The following OSBPL3 variants were observed in gnomAD, a reference collection of about 807,000 sequenced individuals.
The protein encoded by OSBPL3 is oxysterol-binding protein-related protein 3.
A neutral mutation model predicts 120.1 loss-of-function variants in OSBPL3; 65 were observed. The observed-to-expected ratio is 0.54, with a 90% CI of 0.44 to 0.67. The LOEUF (loss-of-function observed/expected upper bound fraction) is 0.67. Ranked by LOEUF, OSBPL3 falls within the 30% of genes least tolerant of loss-of-function variation. The probability of loss-of-function intolerance (pLI) is 0.00; values close to 1 mark genes in which losing one functional copy is unlikely to be tolerated. For synonymous variants in OSBPL3, 416 were observed against 402.6 expected (o/e 1.03, Z -0.40); for missense variants, 1,004 against 1,082.1 (o/e 0.93, Z 1.01).
chr7:24,909,491 G>A (rs113282077), intron 1 of OSBPL3, among the ~76,000 whole-genome samples: 3,045 of 152,250 alleles, frequency 0.02, 117 homozygotes, highest in African/African-American at 0.07. Context: ...TGCCAGCCAA[G>A]GAATAACAAT....
intron 1 of OSBPL3, among the ~76,000 whole-genome samples, chr7:24,961,843 T>C (rs968101544): frequency 1.3e-5 from 2 of 152,182 alleles, no homozygotes; most frequent in African/African-American, 4.8e-5. Context: ...TGAGTATAAC[T>C]TGGTAAAGGA....
intron 19 of OSBPL3, among the ~76,000 whole-genome samples, chr7:24,811,549 T>C (rs988947524): frequency 1.3e-5 from 2 of 152,254 alleles, no homozygotes; most frequent in African/African-American, 4.8e-5. Flanking sequence ...TCTGTGCTTT[T>C]GGGGTCATAT....
rs143300759 is a variant in OSBPL3 at position 24,834,679 on chromosome 7, G to A, written c.1553C>T (p.Ala518Val). The change falls in exon 15 of 23, where the codon GCG (alanine) becomes GTG (valine). Residue 518 changes from alanine to valine, a missense_variant. Ala to Val is a moderately conservative substitution (Grantham distance 64). Transcript: ENST00000313367. This position sits in a 1 kb window ranked among gnomAD's most constrained non-coding sequence, Gnocchi z 5.2. The part of the protein sequence containing the change: ...AKSRRRTCLP[A>V]PCPSSSNISL... ...GATGTTACTGCTGCTCGGGCAGGGC[G>A]CCGGCAGGCACGTTCTTCTCCGGGA... 417 of 1,613,998 alleles carry A rather than the reference G, an allele frequency of 2.6e-4. No homozygotes were observed. In the African/African-American group the frequency reaches 4.7e-3, roughly 18 times the overall value.
chr7:24,869,407 C>T (rs562993720), intron 5 of OSBPL3, among the ~76,000 whole-genome samples: 2 of 152,178 alleles, frequency 1.3e-5, no homozygotes, highest in Admixed American at 1.3e-4. Context: ...ACAGAAAAAA[C>T]GATAGTATTC....
At chr7:24,957,412 A>G (rs1022716322) in intron 1 of OSBPL3, among the ~76,000 whole-genome samples, 1 of 152,188 alleles carries the variant, frequency 6.6e-6, no homozygotes, top group African/African-American at 2.4e-5. Flanking sequence ...ACCTAGGGAT[A>G]GAGAGTATGA....
rs76183699 is a variant in OSBPL3, at chr7:24,891,533, A to C, written c.96+844T>G. On this transcript the variant is annotated intron_variant, in intron 2 of 22. Coordinates refer to ENST00000313367, the MANE Select transcript of OSBPL3 (RefSeq NM_015550.4). This position sits in a 1 kb window ranked among gnomAD's most constrained non-coding sequence, Gnocchi z 4.1. ...ATGAGGAAAAGGAAATGCCAACAGA[A>C]GCAGCAGGTGCTGAAAAGGCTCAGA... is the stretch of plus-strand genomic sequence containing the variant. 0.035 allele frequency among the ~76,000 whole-genome samples: 5,316 copies of C among 152,340 alleles called. 118 individuals are homozygous for C. The highest frequency in any genetic ancestry group is 0.054 in the Non-Finnish European group (3,698 of 68,024).
rs1379744744 is a variant in OSBPL3 at position 24,947,639 on chromosome 7, C to A, written c.-150+32247G>T. 6.6e-6 allele frequency among the ~76,000 whole-genome samples: 1 copy of A among 152,124 alleles called. No homozygotes were observed. Among genetic ancestry groups the A allele is most frequent in the African/African-American group, 2.4e-5 (1 of 41,410 alleles). On this transcript the variant is annotated intron_variant, in intron 1 of 22. Transcript: ENST00000313367. The surrounding 1 kb of genome is among the most constrained non-coding windows in gnomAD (Gnocchi z 4.4). ...GGAAGCCAAATATTGCCAAAAATAT[C>A]TAGGAATCACTATTTCTGAGTAGAT... is the stretch of plus-strand genomic sequence containing the variant.
intron 1 of OSBPL3, among the ~76,000 whole-genome samples, chr7:24,962,354 G>GAAAGAA (rs1384705150): frequency 5.7e-4 from 79 of 138,816 alleles, no homozygotes; most frequent in African/African-American, 2.0e-3. Context: ...AGACAGCAAA[G>GAAAGAA]AAAGAAAAAG....
intron 1 of OSBPL3, among the ~76,000 whole-genome samples, chr7:24,925,526 A>C (rs1023179635): frequency 2.6e-5 from 4 of 152,230 alleles, no homozygotes; most frequent in African/African-American, 4.8e-5. Flanking sequence ...GTTTGAGGCA[A>C]GACGCACTAA....
intron 10 of OSBPL3, among the ~76,000 whole-genome samples, chr7:24,857,139 A>T (rs1400233536): frequency 2.0e-5 from 3 of 152,212 alleles, no homozygotes; most frequent in Non-Finnish European, 4.4e-5. Context: ...TCAGAAAATG[A>T]CCACTCAATA....
intron 1 of OSBPL3, among the ~76,000 whole-genome samples, chr7:24,950,116 C>T (rs1211581634): frequency 6.6e-6 from 1 of 152,166 alleles, no homozygotes; most frequent in Admixed American, 6.5e-5. Flanking sequence ...GCATGGAGTG[C>T]CAGCACAAAA....
rs937799893 is a variant in OSBPL3, at chr7:24,881,405, A to AG, written c.97-9337dup. 9.8e-5 allele frequency among the ~76,000 whole-genome samples: 15 copies of AG among 152,324 alleles called. No individual in the cohort carries two copies. Among genetic ancestry groups the AG allele is most frequent in the South Asian group, 6.2e-4 (3 of 4,830 alleles). ...GTTTGTAACGGAGCTTCTTTTTAAT[A>AG]GGGGGGTCCCTGCTTAAAGGTCCAA... On this transcript the variant is annotated intron_variant, in intron 2 of 22. Coordinates refer to ENST00000313367, the MANE Select transcript of OSBPL3 (RefSeq NM_015550.4). This position sits in a 1 kb window ranked among gnomAD's most constrained non-coding sequence, Gnocchi z 4.3.
At chr7:24,874,791 C>T (rs150619436) in intron 2 of OSBPL3, among the ~76,000 whole-genome samples, 43 of 152,294 alleles carry the variant, frequency 2.8e-4, no homozygotes, top group Admixed American at 5.9e-4. Flanking sequence ...AGTGAAGACT[C>T]TCCTTGACTA....
rs1036273891 is a variant in OSBPL3 at position 24,952,927 on chromosome 7, G to C, written c.-150+26959C>G. On this transcript the variant is annotated intron_variant, in intron 1 of 22. Transcript: ENST00000313367. The surrounding 1 kb of genome is among the most constrained non-coding windows in gnomAD (Gnocchi z 4.4). Reference sequence around the variant, plus strand: ...GAGGTGGTAGGATCCCTGGAGCCCAGGAGTTCAAGACCAGCCTGGGCAACA... The same window carrying C: ...GAGGTGGTAGGATCCCTGGAGCCCACGAGTTCAAGACCAGCCTGGGCAACA... Among the ~76,000 whole-genome samples the C allele has an allele frequency of 5.3e-5, 8 of 152,128 alleles. No individual in the cohort carries two copies. Among genetic ancestry groups the C allele is most frequent in the Non-Finnish European group, 1.2e-4 (8 of 68,032 alleles).
chr7:24,889,656 C>T (rs1244247578), intron 2 of OSBPL3, among the ~76,000 whole-genome samples: 1 of 151,922 alleles, frequency 6.6e-6, no homozygotes, highest in Non-Finnish European at 1.5e-5. Flanking sequence ...TGGATCAGAA[C>T]CAAATAGAAA....
chr7:24,821,507 T>C lies in OSBPL3; in HGVS notation c.1885-1269A>G, dbSNP rs976137489. Among the ~76,000 whole-genome samples the C allele has an allele frequency of 2.0e-5, 3 of 152,040 alleles. No homozygotes were observed. The highest frequency in any genetic ancestry group is 2.9e-5 in the Non-Finnish European group (2 of 68,012). On this transcript the variant is annotated intron_variant, in intron 16 of 22. Transcript: ENST00000313367. This position sits in a 1 kb window ranked among gnomAD's most constrained non-coding sequence, Gnocchi z 5.5. ...TGGGACCCTCAGCTGAGGAACATGG[T>C]TTGAAAACTACTTCTGTATGCCAGG...
chr7:24,804,494 C>T lies in OSBPL3; in HGVS notation c.2445-57G>A. On this transcript the variant is annotated intron_variant, in intron 21 of 22. Transcript: ENST00000313367. The surrounding 1 kb of genome is among the most constrained non-coding windows in gnomAD (Gnocchi z 5.4). Reference sequence around the variant, plus strand: ...TATGAATTCAAGAAAACAAAACAATCATTACTACTCAACTTGCATGTGTCC... The same window carrying T: ...TATGAATTCAAGAAAACAAAACAATTATTACTACTCAACTTGCATGTGTCC... The T allele has an allele frequency of 1.3e-6, 2 of 1,533,480 alleles. No individual in the cohort carries two copies. Among genetic ancestry groups the T allele is most frequent in the African/African-American group, 1.4e-5 (1 of 72,622 alleles). The allele number at this position is 1,533,480 out of a possible 1,614,324, so 95.0% of individuals were successfully genotyped here.
chr7:24,902,582 T>C (rs957892565), intron 1 of OSBPL3, among the ~76,000 whole-genome samples: 8 of 152,016 alleles, frequency 5.3e-5, no homozygotes, highest in African/African-American at 7.2e-5. Context: ...CATCTTAAGG[T>C]AGGACTAGTT....
At position 24,947,051 on chromosome 7, in the gene OSBPL3, G is replaced by A. The variant is rs1813818928; in HGVS notation, c.-150+32835C>T. 6.6e-6 allele frequency among the ~76,000 whole-genome samples: 1 copy of A among 152,200 alleles called. No homozygotes were observed. Among genetic ancestry groups the A allele is most frequent in the South Asian group, 2.1e-4 (1 of 4,826 alleles). On this transcript the variant is annotated intron_variant, in intron 1 of 22. Coordinates refer to ENST00000313367, the MANE Select transcript of OSBPL3 (RefSeq NM_015550.4). The surrounding 1 kb of genome is among the most constrained non-coding windows in gnomAD (Gnocchi z 4.4). ...AAGAAAACAATCTGTACCACAGAAG[G>A]CTGGACTGCTGAGTTCTAGCAAGGC...
Sources: gnomAD v4.1 joint callset for allele counts (sites outside exome capture counted in the v4.1 genomes callset) on GRCh38, gnomAD v4.1.1 for gene constraint, Gnocchi (gnomAD v3.1) non-coding constraint, MANE v1.5 for transcripts, NCBI Gene and HGNC (gene_info 2026-07-23, HGNC 2026-07-21) for gene names.